The following MRPL54 variants were observed in gnomAD, a reference collection of about 807,000 sequenced individuals.
MRPL54 encodes large ribosomal subunit protein mL54.
MRPL54 carries 12 observed loss-of-function variants against 15.6 expected under a neutral mutation model. The ratio of observed to expected loss-of-function variants is 0.77; its 90% CI spans 0.49 to 1.24. The LOEUF (loss-of-function observed/expected upper bound fraction) is 1.24, where lower values mean the gene tolerates loss of function less well. Among genes scored for constraint, MRPL54 ranks in the 50% most tolerant of loss-of-function variants. The pLI is 0.00. For missense variants in MRPL54, 178 were observed against 186.8 expected (o/e 0.95, Z 0.28); for synonymous variants, 91 against 75.7 (o/e 1.20, Z -1.05).
At chr19:3,762,954 G>A in intron 1 of MRPL54, 136 bp downstream of exon 1, 1 of 745,056 alleles carries the variant, frequency 1.3e-6, no homozygotes, top group Non-Finnish European at 2.1e-6. Context: ...TGTATGCGCA[G>A]GCGCAGTTTG....
At chr19:3,766,493 C>T (rs896033922) in intron 2 of MRPL54, among the ~76,000 whole-genome samples, 4 of 152,348 alleles carry the variant, frequency 2.6e-5, no homozygotes, top group African/African-American at 9.6e-5. Flanking sequence ...GGAGTACAGG[C>T]GTGAGCCGCC....
At chr19:3,764,923 G>T (rs1056507482) in intron 1 of MRPL54, among the ~76,000 whole-genome samples, 1 of 151,808 alleles carries the variant, frequency 6.6e-6, no homozygotes, top group Non-Finnish European at 1.5e-5. Context: ...AGCTACTTGG[G>T]AGGCTGAGGC....
At chr19:3,764,667 C>T (rs1348364902) in intron 1 of MRPL54, among the ~76,000 whole-genome samples, 2 of 150,660 alleles carry the variant, frequency 1.3e-5, no homozygotes, top group Non-Finnish European at 3.0e-5. Context: ...CTTCCCACCT[C>T]GGCCTCCCAG....
chr19:3,765,806 G>A (rs1386944445), intron 2 of MRPL54, among the ~76,000 whole-genome samples: 1 of 151,096 alleles, frequency 6.6e-6, no homozygotes, highest in Non-Finnish European at 1.5e-5. Flanking sequence ...GCTGAGGCAC[G>A]AGAATTGCTT....
Position 3,763,336 on chromosome 19 carries a change from A to G in MRPL54, c.118+518A>G, listed in dbSNP as rs373432128. On this transcript the variant is annotated intron_variant, in intron 1 of 2. Coordinates refer to ENST00000330133, the MANE Select transcript of MRPL54 (RefSeq NM_172251.3). Reference sequence around the variant, plus strand: ...TGATCTCCTTTGTTGAAAGGGGGAAATTGTCCAATGTTCGGCCTTAAAGAC... The same window carrying G: ...TGATCTCCTTTGTTGAAAGGGGGAAGTTGTCCAATGTTCGGCCTTAAAGAC... Among the ~76,000 whole-genome samples the G allele has an allele frequency of 5.9e-5, 9 of 152,336 alleles. No homozygotes were observed. In the East Asian group the frequency reaches 1.5e-3, roughly 26 times the overall value.
At chr19:3,765,912 AAAT>A (rs796645182) in intron 2 of MRPL54, among the ~76,000 whole-genome samples, 322 of 126,432 alleles carry the variant, frequency 2.5e-3, no homozygotes, top group African/African-American at 5.3e-3. Context: ...AAAAAAAAAA[AAAT>A]TTTTTTTTTT....
At position 3,767,472 on chromosome 19, in the gene MRPL54, G is replaced by C; in HGVS notation, c.*79G>C. The C allele has an allele frequency of 1.3e-6, 2 of 1,567,248 alleles. No homozygotes were observed. The highest frequency in any genetic ancestry group is 1.7e-6 in the Non-Finnish European group (2 of 1,163,276). ...GAGGACGTGGACTTTTGTGAGACAAGAGGCGGCTCCCCAGCCTGGGTTTCC... is the reference window on the plus strand; with the variant it reads ...GAGGACGTGGACTTTTGTGAGACAACAGGCGGCTCCCCAGCCTGGGTTTCC... On this transcript the variant is annotated 3_prime_UTR_variant, in exon 3 of 3. Coordinates refer to ENST00000330133, the MANE Select transcript of MRPL54 (RefSeq NM_172251.3).
Position 3,765,300 on chromosome 19 carries a change from C to T in MRPL54, c.253C>T (p.Pro85Ser), listed in dbSNP as rs1417924356. The change falls in exon 2 of 3, where the codon CCC becomes TCC. Residue 85 changes from proline to serine, a missense_variant. Physicochemically the swap from Pro to Ser is moderately conservative, Grantham distance 74. Coordinates refer to ENST00000330133, the MANE Select transcript of MRPL54 (RefSeq NM_172251.3). ...CATCTACAAGGAAGGGCAGGATGTA[C>T]CCCTGAAACCGGATGCTGAGTACCC... is the stretch of plus-strand genomic sequence containing the variant. ...VNIYKEGQDV[P>S]LKPDAEYPEW... The T allele has an allele frequency of 5.0e-6, 8 of 1,613,784 alleles. No individual in the cohort carries two copies. The highest frequency in any genetic ancestry group is 2.2e-5 in the East Asian group (1 of 44,872).
intron 2 of MRPL54, 127 bp from the exon 3 acceptor site, chr19:3,767,134 T>G: frequency 4.0e-4 from 501 of 1,249,642 alleles, no homozygotes; most frequent in Non-Finnish European, 4.8e-4. Flanking sequence ...GGGACCACCC[T>G]GAGATCATGC....
chr19:3,764,112 G>A (rs1050537599), intron 1 of MRPL54, among the ~76,000 whole-genome samples: 11 of 151,464 alleles, frequency 7.3e-5, no homozygotes, highest in Non-Finnish European at 1.2e-4. Flanking sequence ...ACGGAGTCTC[G>A]CTCTGTCGCC....
chr19:3,763,816 G>A (rs879658353), intron 1 of MRPL54, among the ~76,000 whole-genome samples: 18 of 151,990 alleles, frequency 1.2e-4, no homozygotes, highest in Non-Finnish European at 2.4e-4. Context: ...GGAGGCTGAG[G>A]CAGGAGAACT....
chr19:3,767,359 G>A lies in MRPL54; in HGVS notation c.383G>A (p.Arg128His), dbSNP rs777202419. The part of the protein sequence containing the change: ...WRRLRKQNIW[R>H]HNRLSKNKRL ...CGGCTGCGGAAACAGAACATCTGGC[G>A]CCACAACCGGCTGAGCAAGAACAAG... The change falls in exon 3 of 3, where the codon CGC (arginine) becomes CAC (histidine). Residue 128 changes from arginine (R) to histidine (H), a missense_variant. By Grantham distance (29) the Arg-to-His change is conservative (BLOSUM62 0). Transcript: ENST00000330133. 13 of 1,610,564 alleles carry A rather than the reference G, an allele frequency of 8.1e-6. No individual in the cohort carries two copies. The highest frequency in any genetic ancestry group is 1.1e-5 in the South Asian group (1 of 90,924).
At chr19:3,764,754 C>T (rs557519995) in intron 1 of MRPL54, among the ~76,000 whole-genome samples, 6 of 149,926 alleles carry the variant, frequency 4.0e-5, no homozygotes, top group South Asian at 4.5e-4. Flanking sequence ...AGTGGCCGGG[C>T]GCGGTGGCTC....
At chr19:3,764,574 A>C (rs2037179761) in intron 1 of MRPL54, among the ~76,000 whole-genome samples, 1 of 144,244 alleles carries the variant, frequency 6.9e-6, no homozygotes, top group African/African-American at 2.5e-5. Flanking sequence ...TGCCCAGCTA[A>C]TTTTTTTTTT....
chr19:3,765,855 G>A (rs1237627997), intron 2 of MRPL54, among the ~76,000 whole-genome samples: 6 of 148,746 alleles, frequency 4.0e-5, no homozygotes, highest in Non-Finnish European at 7.4e-5. Flanking sequence ...CTGAGATCAC[G>A]CCATTGTACT....
At chr19:3,765,047 T>A in intron 1 of MRPL54, 119 bp from the exon 2 acceptor site, 1 of 979,898 alleles carries the variant, frequency 1.0e-6, no homozygotes, top group Non-Finnish European at 1.4e-6. Flanking sequence ...AAAAAGAAAG[T>A]TTTGAGTGTA....
rs923303018 is a variant in MRPL54 at position 3,767,242 on chromosome 19, C to T, written c.285-19C>T. ...AGGGGTCACCGTGTAGCTCTGATTC[C>T]TGCCCGCACCCCCGTCAGGCTGTTC... On this transcript the variant is annotated intron_variant, in intron 2 of 2. Transcript: ENST00000330133. 3.7e-6 allele frequency: 6 copies of T among 1,606,892 alleles called. No homozygotes were observed. Among genetic ancestry groups the T allele is most frequent in the Non-Finnish European group, 5.1e-6 (6 of 1,177,582 alleles).
Position 3,762,734 on chromosome 19 carries a change from A to C in MRPL54, c.34A>C (p.Thr12Pro). ...CAAACGCCTTTTCGGGGCTACCCGG[A>C]CGTGGGCCGGCTGGGGGGCCTGGGA... Reference protein sequence around the residue: ...ATKRLFGATRTWAGWGAWELL... With the variant: ...ATKRLFGATRPWAGWGAWELL... Residue 12 changes from threonine (T) to proline (P), a missense_variant, in exon 1 of 3, where the codon ACG becomes CCG. By Grantham distance (38) the Thr-to-Pro change is conservative (BLOSUM62 -1). Transcript: ENST00000330133. The C allele has an allele frequency of 6.2e-7, 1 of 1,611,446 alleles. No individual in the cohort carries two copies. The highest frequency in any genetic ancestry group is 1.7e-5 in the Admixed American group (1 of 59,910).
chr19:3,767,114 G>C (rs2145732621), intron 2 of MRPL54, 147 bp from the exon 3 acceptor site: 2 of 1,028,014 alleles, frequency 1.9e-6, no homozygotes, highest in Non-Finnish European at 2.7e-6. Context: ...ACCCAGCCCA[G>C]GGTCGGGGAG....
Sources: allele counts gnomAD v4.1 joint callset (sites outside exome capture counted in the v4.1 genomes callset), GRCh38; gene constraint gnomAD v4.1.1; transcripts MANE v1.5; gene names NCBI Gene and HGNC (gene_info 2026-07-23, HGNC 2026-07-21).